Variants in PRELID2 observed in about 807,000 individuals in gnomAD.
The protein encoded by PRELID2 is PRELI domain-containing protein 2.
Under a neutral mutation model 28.4 loss-of-function variants are expected in PRELID2, and 25 were observed. The ratio of observed to expected loss-of-function variants is 0.88; its 90% CI spans 0.64 to 1.23. The LOEUF is 1.23. Among genes scored for constraint, PRELID2 ranks in the 50% most tolerant of loss-of-function variants. The pLI is 0.00. For synonymous variants in PRELID2, 76 were observed against 71.6 expected, an observed-to-expected ratio of 1.06 and a Z score of -0.31; for missense variants, 201 against 214.4, an observed-to-expected ratio of 0.94 and a Z score of 0.39.
the PRELID2 span, among the ~76,000 whole-genome samples, chr5:145,448,653 T>A: frequency 6.6e-6 from 1 of 152,086 alleles, no homozygotes; most frequent in Non-Finnish European, 1.5e-5. Context: ...TGTTAAGAGG[T>A]AGTGGAGCAT....
intron 1 of PRELID2, among the ~76,000 whole-genome samples, chr5:145,534,470 T>A (rs991689736): frequency 6.6e-6 from 1 of 152,010 alleles, no homozygotes; most frequent in African/African-American, 2.4e-5. Flanking sequence ...CACAAATTAT[T>A]TGATCACAGA....
Position 145,608,970 on chromosome 5 carries a change from CTCTTTA to C in PRELID2, n.71-135661_71-135656del, listed in dbSNP as rs1268183694. On this transcript the variant is annotated intron_variant and non_coding_transcript_variant, in intron 1 of 2. Coordinates refer to the PRELID2 transcript ENST00000510259. ...TTTGTTCATTCTTCTTTAATTTTTT[CTCTTTA>C]TCTTTGTCTGACGGAGTTATTTTGG... Among the ~76,000 whole-genome samples, 3 of 152,002 alleles carry C rather than the reference CTCTTTA, an allele frequency of 2.0e-5. No homozygotes were observed. In the East Asian group the frequency reaches 5.8e-4, roughly 29 times the overall value.
chr5:145,795,775 TA>T (rs1752704153), intron 5 of PRELID2: 1 of 152,152 alleles, frequency 6.6e-6, no homozygotes, highest in African/African-American at 2.4e-5. Context: ...CATGAAGTTT[TA>T]AAAATAATGC....
intron 1 of PRELID2, among the ~76,000 whole-genome samples, chr5:145,832,641 G>T (rs1755674623): frequency 1.3e-5 from 2 of 152,148 alleles, no homozygotes; most frequent in African/African-American, 4.8e-5. Flanking sequence ...CTTGAGGAAG[G>T]CACTTGGACT....
At chr5:145,361,595 C>T in the PRELID2 span, among the ~76,000 whole-genome samples, 24 of 152,282 alleles carry the variant, frequency 1.6e-4, no homozygotes, top group Non-Finnish European at 2.9e-4. Flanking sequence ...ACCAAATCTG[C>T]ACACCACAGC....
chr5:145,717,422 T>C (rs7721955), intron 1 of PRELID2, among the ~76,000 whole-genome samples: 27,968 of 152,020 alleles, frequency 0.18, 2,995 homozygotes, highest in African/African-American at 0.29. Flanking sequence ...TTATGGTATG[T>C]GAGTTATGTT....
intron 1 of PRELID2, among the ~76,000 whole-genome samples, chr5:145,588,454 T>C (rs1037367035): frequency 1.8e-4 from 27 of 152,152 alleles, no homozygotes; most frequent in Non-Finnish European, 1.5e-4. Flanking sequence ...TCCCAAATCG[T>C]ACTTAAGTAT....
At chr5:145,670,017 G>T (rs1754674670) in intron 1 of PRELID2, among the ~76,000 whole-genome samples, 1 of 152,076 alleles carries the variant, frequency 6.6e-6, no homozygotes, top group Non-Finnish European at 1.5e-5. Context: ...GAGGTTAATT[G>T]ATTAATCATA....
downstream of PRELID2, among the ~76,000 whole-genome samples, chr5:145,471,455 T>C (rs1752053579): frequency 6.6e-6 from 1 of 152,158 alleles, no homozygotes; most frequent in Non-Finnish European, 1.5e-5. Flanking sequence ...ATCAACTCCT[T>C]TGTCCTTTGG....
At chr5:145,732,487 C>A (rs1232262413) in intron 1 of PRELID2, among the ~76,000 whole-genome samples, 2 of 152,150 alleles carry the variant, frequency 1.3e-5, no homozygotes, top group South Asian at 4.1e-4. Context: ...CCACTAGACA[C>A]GTACAACTAC....
rs1040875523 is a variant in PRELID2, at chr5:145,655,899, T to C, written n.70+109032A>G. Among the ~76,000 whole-genome samples the C allele has an allele frequency of 5.9e-5, 9 of 152,208 alleles. No individual in the cohort carries two copies. In the South Asian group the frequency reaches 1.9e-3, roughly 32 times the overall value. ...GGCAACAAAAGCCAAAATTGATAAA[T>C]GGGATCTAATTAAATTAAAGAGCTT... On this transcript the variant is annotated intron_variant and non_coding_transcript_variant, in intron 1 of 2. Transcript: ENST00000510259.
At chr5:145,377,587 CTTG>C in the PRELID2 span, among the ~76,000 whole-genome samples, 1 of 152,110 alleles carries the variant, frequency 6.6e-6, no homozygotes, top group Non-Finnish European at 1.5e-5. Context: ...GTTAAATCTT[CTTG>C]TTGTGTTAAA....
At chr5:145,728,618 AT>A (rs1756245492) in intron 1 of PRELID2, 2 of 1,098,346 alleles carry the variant, frequency 1.8e-6, no homozygotes, top group Non-Finnish European at 2.8e-6. Flanking sequence ...CCACTGTAAC[AT>A]TATAGACTCC....
At chr5:145,258,233 A>G in the PRELID2 span, among the ~76,000 whole-genome samples, 1 of 152,324 alleles carries the variant, frequency 6.6e-6, no homozygotes, top group Non-Finnish European at 1.5e-5. Flanking sequence ...GAAAATTGGC[A>G]CTGAGGAGTG....
the PRELID2 span, among the ~76,000 whole-genome samples, chr5:145,327,914 C>T: frequency 1.3e-5 from 2 of 152,058 alleles, no homozygotes; most frequent in African/African-American, 4.8e-5. Flanking sequence ...GGTATTACTC[C>T]TAATGCTATC....
At chr5:145,523,245 T>C (rs570395358) in intron 1 of PRELID2, among the ~76,000 whole-genome samples, 5 of 152,208 alleles carry the variant, frequency 3.3e-5, no homozygotes, top group Non-Finnish European at 7.3e-5. Context: ...AATCATCATC[T>C]AACAGATGCA....
At chr5:145,260,535 C>T in the PRELID2 span, among the ~76,000 whole-genome samples, 2 of 152,118 alleles carry the variant, frequency 1.3e-5, no homozygotes, top group Admixed American at 6.5e-5. Context: ...ATGTGGAACA[C>T]TATTTTTTGT....
intron 1 of PRELID2, among the ~76,000 whole-genome samples, chr5:145,633,927 A>C (rs1362846405): frequency 6.6e-6 from 1 of 152,184 alleles, no homozygotes; most frequent in Non-Finnish European, 1.5e-5. Flanking sequence ...TTCCCATAGC[A>C]GGAGACAGGA....
At chr5:145,410,091 G>C in the PRELID2 span, among the ~76,000 whole-genome samples, 1 of 152,136 alleles carries the variant, frequency 6.6e-6, no homozygotes, top group Non-Finnish European at 1.5e-5. Context: ...ATGGTGCTGG[G>C]ATACTTGGTA....
Sources: gnomAD v4.1 joint callset for allele counts (sites outside exome capture counted in the v4.1 genomes callset) on GRCh38, gnomAD v4.1.1 for gene constraint, MANE v1.5 for transcripts, NCBI Gene and HGNC (gene_info 2026-07-23, HGNC 2026-07-21) for gene names.